The following EXOC4 variants were observed in gnomAD, a reference collection of about 807,000 sequenced individuals.
The protein encoded by EXOC4 is SEC8-like 1.
EXOC4 carries 71 observed loss-of-function variants against 107.2 expected under a neutral mutation model. The observed-to-expected ratio is 0.66, with a 90% CI of 0.55 to 0.81. The LOEUF (loss-of-function observed/expected upper bound fraction) is 0.81, where lower values mean the gene tolerates loss of function less well. Among genes scored for constraint, EXOC4 ranks in the 30% least tolerant of loss-of-function variants. The pLI is 0.00. For synonymous variants in EXOC4, 456 were observed against 441.2 expected, an observed-to-expected ratio of 1.03 and a Z score of -0.42; for missense variants, 1,108 against 1,189.6, an observed-to-expected ratio of 0.93 and a Z score of 1.01.
chr7:133,573,388 C>G (rs1321417672), intron 9 of EXOC4, among the ~76,000 whole-genome samples: 1 of 152,118 alleles, frequency 6.6e-6, no homozygotes, highest in African/African-American at 2.4e-5. Flanking sequence ...GAGGAAGAAC[C>G]AGTTTCAGCG....
intron 5 of EXOC4, among the ~76,000 whole-genome samples, chr7:133,349,135 T>C (rs985180596): frequency 6.6e-6 from 1 of 152,174 alleles, no homozygotes; most frequent in Non-Finnish European, 1.5e-5. Flanking sequence ...TAAATGTTTT[T>C]TTTTTTTATT....
At chr7:133,578,508 T>A (rs1801182201) in intron 9 of EXOC4, among the ~76,000 whole-genome samples, 1 of 152,202 alleles carries the variant, frequency 6.6e-6, no homozygotes, top group Non-Finnish European at 1.5e-5. Context: ...AACATGATTT[T>A]AAAATATATA....
chr7:133,313,854 A>C (rs1266531447), intron 4 of EXOC4, among the ~76,000 whole-genome samples: 1 of 152,138 alleles, frequency 6.6e-6, no homozygotes, highest in Admixed American at 6.5e-5. Context: ...GCTATTGGCA[A>C]AATGCATTCA....
At chr7:133,708,645 T>C (rs1160247879) in intron 10 of EXOC4, among the ~76,000 whole-genome samples, 1 of 152,242 alleles carries the variant, frequency 6.6e-6, no homozygotes, top group Non-Finnish European at 1.5e-5. Flanking sequence ...CAGCAACTTA[T>C]GGCATTATCA....
At chr7:133,698,203 C>T (rs565707581) in intron 10 of EXOC4, among the ~76,000 whole-genome samples, 20 of 151,648 alleles carry the variant, frequency 1.3e-4, no homozygotes, top group Admixed American at 7.2e-4. Flanking sequence ...TGCCTTTCCG[C>T]GGCGGGGGTG....
chr7:133,977,738 TTGTGTGTGTGTGTG>T (rs201003706), intron 14 of EXOC4, among the ~76,000 whole-genome samples: 1 of 88,196 alleles, frequency 1.1e-5, no homozygotes. Context: ...TTTTGTTGTT[TTGTGTGTGTGTGTG>T]TGTGTGTGTG....
the EXOC4 span, among the ~76,000 whole-genome samples, chr7:134,084,338 G>A: frequency 6.6e-6 from 1 of 152,188 alleles, no homozygotes; most frequent in African/African-American, 2.4e-5. Flanking sequence ...CAGTGTTACA[G>A]ACAGTTTAAA....
intron 3 of EXOC4, among the ~76,000 whole-genome samples, chr7:133,294,851 G>C (rs1284423458): frequency 1.3e-5 from 2 of 152,056 alleles, no homozygotes; most frequent in Non-Finnish European, 2.9e-5. Flanking sequence ...GTGAATGTCA[G>C]CATGGGTCTT....
At chr7:133,640,240 C>T (rs910114150) in intron 10 of EXOC4, among the ~76,000 whole-genome samples, 38 of 152,158 alleles carry the variant, frequency 2.5e-4, no homozygotes, top group African/African-American at 9.2e-4. Flanking sequence ...TGAATTCTAT[C>T]CCTACAGATA....
At chr7:133,795,978 G>A (rs1403520852) in intron 10 of EXOC4, among the ~76,000 whole-genome samples, 3 of 152,054 alleles carry the variant, frequency 2.0e-5, no homozygotes, top group South Asian at 2.1e-4. Context: ...TGATCACTAT[G>A]GTAGATACAG....
rs989908409 is a variant in EXOC4, at chr7:133,306,117, AT to A, written c.656+62del. The A allele has an allele frequency of 7.1e-6, 10 of 1,402,540 alleles. No homozygotes were observed. In the African/African-American group the frequency reaches 1.5e-4, roughly 21 times the overall value. The allele number at this position is 1,402,540 out of a possible 1,614,324, so 86.9% of individuals were successfully genotyped here. A position where few individuals can be genotyped will look rare whatever the true frequency, so the allele number is the denominator to read the frequency against. ...GTGGCAGTGTAGGATTGGAAGGAAT[AT>A]TTTTTGTTTCCCAGAATGTTGTTGT... On this transcript the variant is annotated intron_variant, in intron 4 of 17. Transcript: ENST00000253861.
intron 2 of EXOC4, among the ~76,000 whole-genome samples, chr7:133,285,761 GTT>G (rs58845105): frequency 2.1e-5 from 3 of 140,868 alleles, no homozygotes; most frequent in East Asian, 2.0e-4. Context: ...CTTCTTTTTT[GTT>G]TTTTTTTTTC....
At chr7:133,704,084 A>G (rs889157424) in intron 10 of EXOC4, among the ~76,000 whole-genome samples, 1 of 152,168 alleles carries the variant, frequency 6.6e-6, no homozygotes, top group Non-Finnish European at 1.5e-5. Flanking sequence ...ACACTGATCA[A>G]TCCACTCTTT....
rs777984052 is a variant in EXOC4, at chr7:133,817,478, C to T, written c.1668C>T (p.Asp556=). Residue 556 remains aspartate (D), a synonymous_variant, in exon 11 of 18, where the codon GAC becomes GAT. Transcript: ENST00000253861. ...TTGAAGGAGTCACTAAAACATCTGA[C>T]CCTTTGAAGATTCTGGCCAACGCAG... ...KEIEGVTKTS[D]PLKILANADT... 3.1e-6 allele frequency: 5 copies of T among 1,614,028 alleles called. No individual in the cohort carries two copies. The African/African-American group carries it at 4.0e-5, about 13-fold the overall frequency.
At chr7:133,510,873 C>T (rs1419926494) in intron 9 of EXOC4, among the ~76,000 whole-genome samples, 2 of 152,154 alleles carry the variant, frequency 1.3e-5, no homozygotes, top group Non-Finnish European at 2.9e-5. Flanking sequence ...GTGACTTTTT[C>T]ATTGCTCATA....
intron 4 of EXOC4, among the ~76,000 whole-genome samples, chr7:133,316,804 G>A (rs1795000936): frequency 6.6e-6 from 1 of 152,166 alleles, no homozygotes; most frequent in South Asian, 2.1e-4. Flanking sequence ...AAAACTGAAT[G>A]TAGTAAACTT....
At chr7:133,782,154 T>A (rs932721087) in intron 10 of EXOC4, among the ~76,000 whole-genome samples, 6 of 152,126 alleles carry the variant, frequency 3.9e-5, no homozygotes, top group Admixed American at 1.3e-4. Context: ...CTTCCTTAGC[T>A]CAGAGGAAGT....
intron 10 of EXOC4, chr7:133,771,596 G>A (rs887737217): frequency 6.6e-6 from 1 of 151,970 alleles, no homozygotes; most frequent in African/African-American, 2.4e-5. Context: ...TCCGTGGTAT[G>A]GCAAAATGAG....
intron 17 of EXOC4, among the ~76,000 whole-genome samples, chr7:134,050,967 G>C (rs1216879533): frequency 6.6e-6 from 1 of 152,126 alleles, no homozygotes; most frequent in Non-Finnish European, 1.5e-5. Context: ...ATCTGTGATA[G>C]TGAGATTGGA....
Sources: gnomAD v4.1 joint callset for allele counts (sites outside exome capture counted in the v4.1 genomes callset) on GRCh38, gnomAD v4.1.1 for gene constraint, MANE v1.5 for transcripts, NCBI Gene and HGNC (gene_info 2026-07-23, HGNC 2026-07-21) for gene names.